Variants in TRPM1 observed in about 807,000 individuals in gnomAD.
TRPM1 encodes the protein transient receptor potential cation channel subfamily M member 1.
Under a neutral mutation model 149.4 loss-of-function variants are expected in TRPM1, and 113 were observed. That is an observed-to-expected ratio of 0.76 (90% confidence interval 0.65 to 0.88). TRPM1 has a LOEUF of 0.88. Among genes scored for constraint, TRPM1 ranks in the 40% least tolerant of loss-of-function variants. The probability of loss-of-function intolerance (pLI) is 0.00; values close to 1 mark genes in which losing one functional copy is unlikely to be tolerated. For synonymous variants in TRPM1, 741 were observed against 759.5 expected, an observed-to-expected ratio of 0.98 and a Z score of 0.40; for missense variants, 1,976 against 2,038.7, an observed-to-expected ratio of 0.97 and a Z score of 0.59.
chr15:31,114,579 T>C lies in TRPM1; in HGVS notation c.55-37595A>G, dbSNP rs76545699. ...AAGACAAAGGTACAATTTTAAGACA[T>C]TGCAAAAGAAAAAGATTATCTTCTA... On this transcript the variant is annotated intron_variant, in intron 1 of 26. Transcript: ENST00000542188. Among the ~76,000 whole-genome samples, 49 of 152,298 alleles carry C rather than the reference T, an allele frequency of 3.2e-4. No homozygotes were observed. In the East Asian group the frequency reaches 8.3e-3, roughly 26 times the overall value.
chr15:31,157,128 G>T (rs545968263), intron 1 of TRPM1, among the ~76,000 whole-genome samples: 25 of 151,970 alleles, frequency 1.6e-4, no homozygotes, highest in Non-Finnish European at 2.9e-4. Context: ...GCCCAGACTC[G>T]TCTCAAACTC....
intron 1 of TRPM1, among the ~76,000 whole-genome samples, chr15:31,098,173 C>T (rs953309258): frequency 3.3e-5 from 5 of 152,168 alleles, no homozygotes; most frequent in African/African-American, 1.2e-4. Flanking sequence ...TGGTGGCTCA[C>T]GCCTGTAATC....
At chr15:31,053,139 C>T (rs1390435485) in intron 11 of TRPM1, among the ~76,000 whole-genome samples, 1 of 152,182 alleles carries the variant, frequency 6.6e-6, no homozygotes, top group African/African-American at 2.4e-5. Flanking sequence ...AGCAGATACA[C>T]AAATGGCCAA....
intron 1 of TRPM1, among the ~76,000 whole-genome samples, chr15:31,108,160 T>G (rs200222027): frequency 1.3e-4 from 3 of 22,262 alleles, no homozygotes; most frequent in East Asian, 3.0e-3. Context: ...GCCTGTCCAA[T>G]TTTTTTTTCT....
chr15:31,094,119 T>A lies in TRPM1; in HGVS notation c.-84+7538A>T, dbSNP rs189640865. The stretch of plus-strand genomic sequence containing the variant: ...GACCATTCAATGGGGGAAAAGACAG[T>A]CTTGTCAACTAATAGTGCTTGGAAA... On this transcript the variant is annotated intron_variant, in intron 1 of 27. Coordinates refer to ENST00000256552, the MANE Select transcript of TRPM1 (RefSeq NM_001252024.2). Among the ~76,000 whole-genome samples the A allele has an allele frequency of 9.8e-5, 15 of 152,296 alleles. No individual in the cohort carries two copies. In the East Asian group the frequency reaches 2.9e-3, roughly 29 times the overall value.
intron 20 of TRPM1, among the ~76,000 whole-genome samples, chr15:31,036,431 T>C (rs566231508): frequency 1.3e-5 from 2 of 151,080 alleles, no homozygotes; most frequent in Non-Finnish European, 3.0e-5. Flanking sequence ...GGCAGTTTGG[T>C]TTTTTTTTCT....
At chr15:31,137,131 G>T (rs1403003637) in intron 1 of TRPM1, among the ~76,000 whole-genome samples, 1 of 152,150 alleles carries the variant, frequency 6.6e-6, no homozygotes, top group Non-Finnish European at 1.5e-5. Context: ...CCACCTTTCG[G>T]TTTGCAGTGA....
intron 1 of TRPM1, among the ~76,000 whole-genome samples, chr15:31,087,373 A>G (rs1194453377): frequency 6.8e-6 from 1 of 147,524 alleles, no homozygotes; most frequent in East Asian, 2.0e-4. Context: ...GCCTCCATGT[A>G]GTCCTGTAGC....
chr15:31,110,512 C>G (rs1425399444), intron 1 of TRPM1, among the ~76,000 whole-genome samples: 2 of 152,214 alleles, frequency 1.3e-5, no homozygotes, highest in Admixed American at 6.5e-5. Flanking sequence ...TTGGAAACTC[C>G]TCTCTTTGTC....
intron 16 of TRPM1, among the ~76,000 whole-genome samples, 163 bp downstream of exon 16, chr15:31,046,041 C>T (rs1308299719): frequency 6.6e-6 from 1 of 152,108 alleles, no homozygotes; most frequent in Non-Finnish European, 1.5e-5. Context: ...CAGCTTTTAT[C>T]CCCATTAAAG....
intron 2 of TRPM1, among the ~76,000 whole-genome samples, chr15:31,080,797 C>G (rs1466292609): frequency 2.0e-5 from 3 of 151,850 alleles, no homozygotes; most frequent in Non-Finnish European, 4.4e-5. Flanking sequence ...CTCTCACCGC[C>G]CTAGGATAAG....
rs534040403 is a variant in TRPM1, at chr15:31,001,211, A to C, written c.*611T>G. 4 of 152,420 alleles carry C rather than the reference A, an allele frequency of 2.6e-5. No individual in the cohort carries two copies. The highest frequency in any genetic ancestry group is 9.6e-5 in the African/African-American group (4 of 41,588). The allele number at this position is 152,420 out of a possible 1,614,324, so 9.4% of individuals were successfully genotyped here. A position where few individuals can be genotyped will look rare whatever the true frequency, so the allele number is the denominator to read the frequency against. ...TTAAAACAGAAAACAAAGACCCCAT[A>C]AAAACATATTTGTGGCTCCTTCCCA... On this transcript the variant is annotated 3_prime_UTR_variant, in exon 28 of 28. Transcript: ENST00000256552.
At chr15:31,154,832 A>AC (rs1408635817) in intron 1 of TRPM1, among the ~76,000 whole-genome samples, 1 of 150,246 alleles carries the variant, frequency 6.7e-6, no homozygotes, top group East Asian at 2.0e-4. Context: ...TGATCTTGTG[A>AC]CCCCCACCCA....
intron 1 of TRPM1, among the ~76,000 whole-genome samples, chr15:31,124,767 T>C (rs12902091): frequency 0.55 from 84,094 of 151,790 alleles, 24,474 homozygotes; most frequent in African/African-American, 0.69. Context: ...GTCAGGGTTT[T>C]GGGGGAAGAC....
intron 1 of TRPM1, among the ~76,000 whole-genome samples, chr15:31,090,365 G>A (rs764387716): frequency 6.6e-6 from 1 of 152,088 alleles, no homozygotes; most frequent in Non-Finnish European, 1.5e-5. Flanking sequence ...GGGGCTGGGC[G>A]TGGTGGCTCA....
At chr15:31,062,789 G>T in intron 8 of TRPM1, 87 bp from the exon 9 acceptor site, 1 of 1,475,420 alleles carries the variant, frequency 6.8e-7, no homozygotes, top group South Asian at 1.1e-5. Context: ...TTTGATTTGA[G>T]ACTTTGCTGT....
chr15:31,016,171 G>C (rs1400493597), intron 27 of TRPM1, among the ~76,000 whole-genome samples: 2 of 152,150 alleles, frequency 1.3e-5, no homozygotes, highest in African/African-American at 4.8e-5. Context: ...TCATGGCTGT[G>C]TTATTTATTA....
rs575080319 is a variant in TRPM1, at chr15:31,128,196, C to T, written c.54+32710G>A. On this transcript the variant is annotated intron_variant, in intron 1 of 26. Transcript: ENST00000542188. Reference sequence around the variant, plus strand: ...TGACTGTCTCTGGGGGCAACCAACCCACTGGCACCCAGGAGCAATATTTAC... The same window carrying T: ...TGACTGTCTCTGGGGGCAACCAACCTACTGGCACCCAGGAGCAATATTTAC... Among the ~76,000 whole-genome samples the T allele has an allele frequency of 5.3e-4, 80 of 152,328 alleles. No homozygotes were observed. The South Asian group carries it at 0.016, about 31-fold the overall frequency.
In TRPM1 at chr15:31,037,785, G is replaced by GT. The variant is rs761882630; in HGVS notation, c.2496dup (p.Gln833ThrfsTer12). 1 of 1,614,180 alleles carries GT rather than the reference G, an allele frequency of 6.2e-7. No homozygotes were observed. Among genetic ancestry groups the GT allele is most frequent in the Admixed American group, 1.7e-5 (1 of 60,024 alleles). ...TTTGTTCCGATGGGAATACTTCTCTGTTTTTTGTGCTCGTTCTCCTCATCC... is the reference window on the plus strand; with the variant it reads ...TTTGTTCCGATGGGAATACTTCTCTGTTTTTTTGTGCTCGTTCTCCTCATCC... On this transcript the variant is annotated frameshift_variant, in exon 20 of 28. Coordinates refer to ENST00000256552, the MANE Select transcript of TRPM1 (RefSeq NM_001252024.2). LOFTEE classifies it high-confidence loss of function.
Sources: gnomAD v4.1 joint callset for allele counts (sites outside exome capture counted in the v4.1 genomes callset) on GRCh38, gnomAD v4.1.1 for gene constraint, MANE v1.5 for transcripts, NCBI Gene and HGNC (gene_info 2026-07-23, HGNC 2026-07-21) for gene names.